Variants in GNG2 observed in about 807,000 individuals in gnomAD.
The protein encoded by GNG2 is G protein subunit gamma 2.
In GNG2, 5 loss-of-function variants were observed where a neutral mutation model predicts 5.5. That is an observed-to-expected ratio of 0.91 (90% confidence interval 0.48 to 1.92). GNG2 has a LOEUF of 1.92. Ranked by LOEUF, GNG2 falls within the 30% of genes most tolerant of loss-of-function variation. The pLI is 0.01. For missense variants in GNG2, 55 were observed against 88.4 expected (o/e 0.62, Z 1.52); for synonymous variants, 28 against 32.0 (o/e 0.88, Z 0.42).
intron 3 of GNG2, among the ~76,000 whole-genome samples, chr14:51,955,187 C>T (rs1889209696): frequency 7.0e-6 from 1 of 142,792 alleles, no homozygotes; most frequent in South Asian, 2.4e-4. Flanking sequence ...TCATTTCTCC[C>T]ATATACTCCC....
chr14:51,947,148 C>G lies in GNG2; in HGVS notation c.-29-3502C>G, dbSNP rs537847437. On this transcript the variant is annotated intron_variant, in intron 2 of 3. Coordinates refer to ENST00000556766, the MANE Select transcript of GNG2 (RefSeq NM_053064.5). ...ACTACTGCCCCATGCCTCTTCTTTCCCCATCTCAATTTCCCACCTCCCTAC... is the reference window on the plus strand; with the variant it reads ...ACTACTGCCCCATGCCTCTTCTTTCGCCATCTCAATTTCCCACCTCCCTAC... Among the ~76,000 whole-genome samples the G allele has an allele frequency of 7.6e-4, 116 of 152,230 alleles. 1 individual carries two copies. The highest frequency in any genetic ancestry group is 2.7e-3 in the African/African-American group (111 of 41,546).
chr14:51,932,946 C>T (rs1182135835), intron 2 of GNG2, among the ~76,000 whole-genome samples: 2 of 152,058 alleles, frequency 1.3e-5, no homozygotes, highest in Non-Finnish European at 2.9e-5. Flanking sequence ...TAAGAGAGGA[C>T]AGAGGGAGAT....
At chr14:51,937,380 G>T (rs1011397617) in intron 2 of GNG2, among the ~76,000 whole-genome samples, 11 of 117,452 alleles carry the variant, frequency 9.4e-5, no homozygotes, top group Admixed American at 5.0e-4. Context: ...TTCCCAAAAG[G>T]TCAGCATTTA....
intron 2 of GNG2, among the ~76,000 whole-genome samples, chr14:51,883,692 C>T (rs1884252378): frequency 6.6e-6 from 1 of 152,060 alleles, no homozygotes; most frequent in Non-Finnish European, 1.5e-5. Context: ...GAGATGAAAA[C>T]TAGATTTTAT....
At chr14:51,841,788 G>T (rs1289515917) in intron 2 of GNG2, among the ~76,000 whole-genome samples, 1 of 152,132 alleles carries the variant, frequency 6.6e-6, no homozygotes, top group African/African-American at 2.4e-5. Flanking sequence ...TTTCTTTGGG[G>T]CCATACGATG....
chr14:51,907,783 C>T (rs1402085700), intron 2 of GNG2, among the ~76,000 whole-genome samples: 1 of 152,210 alleles, frequency 6.6e-6, no homozygotes, highest in Non-Finnish European at 1.5e-5. Flanking sequence ...CTCTCCTCAT[C>T]ATTAGTGGTA....
chr14:51,891,502 A>T (rs1884852498), intron 2 of GNG2, among the ~76,000 whole-genome samples: 1 of 152,184 alleles, frequency 6.6e-6, no homozygotes, highest in South Asian at 2.1e-4. Context: ...ACCCACATAC[A>T]TTCCCCATCT....
chr14:51,901,257 T>C (rs1246713350), intron 2 of GNG2, among the ~76,000 whole-genome samples: 1 of 151,934 alleles, frequency 6.6e-6, no homozygotes, highest in African/African-American at 2.4e-5. Flanking sequence ...GTGATCATGG[T>C]TTACCAGAGC....
At chr14:51,888,302 TTTTG>T (rs148058351) in intron 2 of GNG2, among the ~76,000 whole-genome samples, 2,973 of 152,118 alleles carry the variant, frequency 0.02, 140 homozygotes, top group East Asian at 0.15. Context: ...TCAATTATCG[TTTTG>T]TTTGTTTGTT....
At chr14:51,855,474 G>A (rs1378072902), upstream of GNG2, among the ~76,000 whole-genome samples, 1 of 152,208 alleles carries the variant, frequency 6.6e-6, no homozygotes, top group Non-Finnish European at 1.5e-5. Flanking sequence ...GTGACACACA[G>A]ATCAGATCAT....
At chr14:51,933,485 G>C (rs1454414120) in intron 2 of GNG2, among the ~76,000 whole-genome samples, 1 of 152,174 alleles carries the variant, frequency 6.6e-6, no homozygotes, top group African/African-American at 2.4e-5. Context: ...TCAAGGGACA[G>C]GTTTTATTTT....
chr14:51,932,247 A>AT (rs1887705061), intron 2 of GNG2, among the ~76,000 whole-genome samples: 1 of 99,344 alleles, frequency 1.0e-5, no homozygotes, highest in Non-Finnish European at 2.1e-5. Context: ...ACTCTGTCTC[A>AT]AAAAAAAAAA....
intron 3 of GNG2, among the ~76,000 whole-genome samples, chr14:51,955,633 G>A (rs145521867): frequency 9.8e-4 from 149 of 152,228 alleles, no homozygotes; most frequent in African/African-American, 3.5e-3. Context: ...TTATGGACTT[G>A]GAGATTCCAA....
chr14:51,939,345 C>T (rs763664607), intron 2 of GNG2, among the ~76,000 whole-genome samples: 7 of 152,164 alleles, frequency 4.6e-5, no homozygotes, highest in Non-Finnish European at 1.0e-4. Context: ...TTTTCGAGGA[C>T]TCTGTTTTTT....
intron 2 of GNG2, among the ~76,000 whole-genome samples, chr14:51,908,563 C>CT (rs1886093676): frequency 1.4e-5 from 1 of 70,916 alleles, no homozygotes; most frequent in African/African-American, 4.4e-5. Flanking sequence ...TCTATCTATC[C>CT]ATATATATAG....
intron 1 of GNG2, among the ~76,000 whole-genome samples, chr14:51,867,102 A>G (rs1266152615): frequency 6.6e-6 from 1 of 152,214 alleles, no homozygotes; most frequent in Non-Finnish European, 1.5e-5. Context: ...TAGATGAAAC[A>G]AATCTCCTCC....
chr14:51,897,440 C>G (rs1449779905), intron 2 of GNG2, among the ~76,000 whole-genome samples: 1 of 152,114 alleles, frequency 6.6e-6, no homozygotes, highest in Non-Finnish European at 1.5e-5. Flanking sequence ...GGGAGTAAAC[C>G]TGTGACGTAA....
intron 2 of GNG2, among the ~76,000 whole-genome samples, chr14:51,911,859 T>G (rs1361094728): frequency 7.8e-6 from 1 of 128,246 alleles, no homozygotes; most frequent in Admixed American, 7.1e-5. Context: ...TGATAGCCTT[T>G]TCTTATGTTT....
intron 2 of GNG2, among the ~76,000 whole-genome samples, chr14:51,927,521 A>G (rs1276270520): frequency 6.6e-6 from 1 of 152,228 alleles, no homozygotes; most frequent in Admixed American, 6.5e-5. Flanking sequence ...TTTCCACCAT[A>G]CCCTGGGCTT....
Sources: gnomAD v4.1 joint callset for allele counts (sites outside exome capture counted in the v4.1 genomes callset) on GRCh38, gnomAD v4.1.1 for gene constraint, MANE v1.5 for transcripts, NCBI Gene and HGNC (gene_info 2026-07-23, HGNC 2026-07-21) for gene names.